Variants in FAF1 observed in about 807,000 individuals in gnomAD.
The protein encoded by FAF1 is Fas associated factor 1.
A neutral mutation model predicts 92.5 loss-of-function variants in FAF1; 25 were observed. That is an observed-to-expected ratio of 0.27 (90% CI 0.20 to 0.38). FAF1 has a LOEUF of 0.38. Among genes scored for constraint, FAF1 ranks in the 10% least tolerant of loss-of-function variants. The probability of loss-of-function intolerance (pLI) is 1.00; values close to 1 mark genes in which losing one functional copy is unlikely to be tolerated. For missense variants in FAF1, 636 were observed against 793.3 expected, an observed-to-expected ratio of 0.80 and a Z score of 2.38; for synonymous variants, 234 against 273.2, an observed-to-expected ratio of 0.86 and a Z score of 1.42.
chr1:50,769,912 G>A (rs572437113), intron 4 of FAF1, among the ~76,000 whole-genome samples: 1 of 152,138 alleles, frequency 6.6e-6, no homozygotes, highest in South Asian at 2.1e-4. Flanking sequence ...TTAGCTGCGC[G>A]TGGTGGCCCA....
chr1:50,532,059 C>T (rs1300811500), intron 15 of FAF1, among the ~76,000 whole-genome samples: 1 of 152,092 alleles, frequency 6.6e-6, no homozygotes, highest in Non-Finnish European at 1.5e-5. Flanking sequence ...ACATATTCAG[C>T]AGCTACCAAA....
At chr1:50,831,508 C>T (rs1038054239) in intron 2 of FAF1, among the ~76,000 whole-genome samples, 1 of 152,112 alleles carries the variant, frequency 6.6e-6, no homozygotes. Flanking sequence ...ATATATCTGC[C>T]GTCTTTCTCT....
intron 9 of FAF1, 32 bp downstream of exon 9, chr1:50,596,089 C>T (rs1651799924): frequency 6.7e-7 from 1 of 1,502,486 alleles, no homozygotes. Context: ...GATGGGCCTT[C>T]TGTTCAAAGA....
intron 4 of FAF1, among the ~76,000 whole-genome samples, chr1:50,759,916 T>C (rs1660255038): frequency 6.6e-6 from 1 of 152,240 alleles, no homozygotes; most frequent in East Asian, 1.9e-4. Context: ...TGATGAGCAT[T>C]TTTTCATGTG....
intron 4 of FAF1, among the ~76,000 whole-genome samples, chr1:50,773,798 T>C (rs1422583597): frequency 6.6e-6 from 1 of 152,120 alleles, no homozygotes; most frequent in Non-Finnish European, 1.5e-5. Flanking sequence ...AGTTAAGAAA[T>C]AATGTATCAC....
At chr1:50,601,352 C>T (rs1401064538) in intron 8 of FAF1, among the ~76,000 whole-genome samples, 1 of 152,066 alleles carries the variant, frequency 6.6e-6, no homozygotes, top group Non-Finnish European at 1.5e-5. Flanking sequence ...GCATTTAAGG[C>T]CATTCTTAAT....
At chr1:50,711,378 C>T (rs962985041) in intron 6 of FAF1, among the ~76,000 whole-genome samples, 2 of 152,006 alleles carry the variant, frequency 1.3e-5, no homozygotes, top group African/African-American at 4.8e-5. Flanking sequence ...TTAGTTCTAT[C>T]CCCTGGCAGG....
chr1:50,487,426 C>T (rs1237744541), intron 17 of FAF1, among the ~76,000 whole-genome samples: 1 of 152,130 alleles, frequency 6.6e-6, no homozygotes, highest in Non-Finnish European at 1.5e-5. Context: ...TGTCCTTTTC[C>T]TTTATTTCTA....
At chr1:50,475,718 G>T in intron 17 of FAF1, 39 bp from the exon 18 acceptor site, 1 of 1,437,626 alleles carries the variant, frequency 7.0e-7, no homozygotes. Flanking sequence ...ATGTGAGAAG[G>T]ACTGGACTAT....
intron 4 of FAF1, among the ~76,000 whole-genome samples, chr1:50,765,507 T>TC (rs1660531351): frequency 6.6e-6 from 1 of 152,172 alleles, no homozygotes; most frequent in Admixed American, 6.5e-5. Flanking sequence ...ATTAATATAG[T>TC]CCAATTATTT....
intron 1 of FAF1, among the ~76,000 whole-genome samples, chr1:50,936,604 C>T (rs1645087157): frequency 6.6e-6 from 1 of 152,206 alleles, no homozygotes; most frequent in Non-Finnish European, 1.5e-5. Context: ...TGAACTCGAC[C>T]TTCATTCTAT....
chr1:50,934,134 A>C (rs1248756302), intron 1 of FAF1, among the ~76,000 whole-genome samples: 1 of 152,180 alleles, frequency 6.6e-6, no homozygotes, highest in Non-Finnish European at 1.5e-5. Context: ...TTGTTCTCAG[A>C]ATTACAATAT....
intron 4 of FAF1, among the ~76,000 whole-genome samples, chr1:50,766,466 G>C (rs1660574056): frequency 6.6e-6 from 1 of 152,096 alleles, no homozygotes. Flanking sequence ...CCACTCTGGG[G>C]AAGTGCTGAA....
intron 1 of FAF1, among the ~76,000 whole-genome samples, chr1:50,952,868 C>T (rs1255104157): frequency 1.3e-5 from 2 of 152,176 alleles, no homozygotes; most frequent in Non-Finnish European, 2.9e-5. Context: ...GCCCCTCTGC[C>T]CGGCCGCCAC....
intron 1 of FAF1, among the ~76,000 whole-genome samples, chr1:50,861,583 T>C (rs1170262508): frequency 6.6e-6 from 1 of 151,692 alleles, no homozygotes; most frequent in African/African-American, 2.4e-5. Flanking sequence ...GGGACAAAAA[T>C]GCTACTTATT....
Position 50,906,395 on chromosome 1 carries a change from C to G in FAF1, c.46-48398G>C, listed in dbSNP as rs552132464. Among the ~76,000 whole-genome samples the G allele has an allele frequency of 1.0e-2, 1,519 of 152,032 alleles. 24 individuals are homozygous for G. The highest frequency in any genetic ancestry group is 0.035 in the African/African-American group (1,440 of 41,508). On this transcript the variant is annotated intron_variant, in intron 1 of 18. Coordinates refer to ENST00000396153, the MANE Select transcript of FAF1 (RefSeq NM_007051.3). ...TTGGTTCCATATGAACTTTAAAGTT[C>G]TTTTTTCCAATTCTGTGAAGAAAGT...
chr1:50,625,381 A>G (rs566582431), intron 8 of FAF1, among the ~76,000 whole-genome samples: 1 of 152,344 alleles, frequency 6.6e-6, no homozygotes, highest in Admixed American at 6.5e-5. Context: ...AGAGAGAAAA[A>G]GAATGGTATT....
At chr1:50,785,132 CAAAAAAAA>C (rs748061344) in intron 4 of FAF1, among the ~76,000 whole-genome samples, 1 of 59,130 alleles carries the variant, frequency 1.7e-5, no homozygotes, top group African/African-American at 6.4e-5. Flanking sequence ...GACCCTATCT[CAAAAAAAA>C]AAAAAAAAAA....
At chr1:50,762,417 T>C (rs1660365474) in intron 4 of FAF1, among the ~76,000 whole-genome samples, 1 of 151,956 alleles carries the variant, frequency 6.6e-6, no homozygotes, top group Admixed American at 6.6e-5. Context: ...GCTGGAGGCA[T>C]CACACTACCT....
Sources: allele counts gnomAD v4.1 joint callset (sites outside exome capture counted in the v4.1 genomes callset), GRCh38; gene constraint gnomAD v4.1.1; transcripts MANE v1.5; gene names NCBI Gene and HGNC (gene_info 2026-07-23, HGNC 2026-07-21).